The following CLNK variants were observed in gnomAD, a reference collection of about 807,000 sequenced individuals.
The protein encoded by CLNK is cytokine dependent hematopoietic cell linker.
In CLNK, 74 loss-of-function variants were observed where a neutral mutation model predicts 68.6. The observed-to-expected ratio is 1.08, with a 90% confidence interval of 0.89 to 1.31. CLNK has a LOEUF of 1.31. CLNK is among the 50% of genes most tolerant of loss of function. The probability of loss-of-function intolerance (pLI) is 0.00; values close to 1 mark genes in which losing one functional copy is unlikely to be tolerated. For synonymous variants in CLNK, 198 were observed against 172.2 expected, an observed-to-expected ratio of 1.15 and a Z score of -1.17; for missense variants, 553 against 515.3, an observed-to-expected ratio of 1.07 and a Z score of -0.71.
chr4:10,704,323 G>A, the CLNK span, among the ~76,000 whole-genome samples: 2 of 152,072 alleles, frequency 1.3e-5, no homozygotes, highest in Non-Finnish European at 2.9e-5. Context: ...TCATGTAAAA[G>A]TGTTCTTATG....
intron 4 of CLNK, among the ~76,000 whole-genome samples, chr4:10,572,432 A>G (rs17383040): frequency 0.18 from 27,710 of 152,118 alleles, 2,871 homozygotes; most frequent in African/African-American, 0.28. Context: ...CCCACTCAGT[A>G]TTCTATGTTT....
chr4:10,617,213 A>G (rs2531195), intron 2 of CLNK, among the ~76,000 whole-genome samples: 105,452 of 151,964 alleles, frequency 0.69, 37,511 homozygotes, highest in East Asian at 0.77. Context: ...ATACATATAT[A>G]AATTAAGAAA....
At chr4:10,659,849 A>G (rs1476873418) in intron 2 of CLNK, among the ~76,000 whole-genome samples, 2 of 152,212 alleles carry the variant, frequency 1.3e-5, no homozygotes, top group East Asian at 3.9e-4. Context: ...CCCAAATCAT[A>G]TTAATTAAAA....
intron 3 of CLNK, among the ~76,000 whole-genome samples, chr4:10,588,531 G>A (rs904028666): frequency 2.6e-5 from 4 of 152,126 alleles, no homozygotes; most frequent in African/African-American, 7.2e-5. Flanking sequence ...ACTCGTATTC[G>A]TGAGCACCTG....
intron 2 of CLNK, among the ~76,000 whole-genome samples, chr4:10,652,747 G>C (rs546540800): frequency 2.6e-5 from 4 of 152,220 alleles, no homozygotes; most frequent in African/African-American, 7.2e-5. Context: ...TTAATGCCTG[G>C]TCTTTTAATA....
At chr4:10,645,542 C>A (rs1430014981) in intron 2 of CLNK, among the ~76,000 whole-genome samples, 1 of 152,068 alleles carries the variant, frequency 6.6e-6, no homozygotes, top group African/African-American at 2.4e-5. Context: ...ACTGCCTAAT[C>A]ATTTACTTTA....
At chr4:10,587,993 A>G (rs1328582017) in intron 3 of CLNK, among the ~76,000 whole-genome samples, 12 of 152,182 alleles carry the variant, frequency 7.9e-5, no homozygotes, top group Admixed American at 6.5e-4. Flanking sequence ...CGACGGCCTG[A>G]GTGCTCTCTC....
chr4:10,707,117 C>T, the CLNK span, among the ~76,000 whole-genome samples: 13 of 152,254 alleles, frequency 8.5e-5, no homozygotes, highest in South Asian at 1.0e-3. Context: ...TTGATAGTGA[C>T]GTCAAGTCTT....
At chr4:10,651,107 AAGTT>A (rs1723716202) in intron 2 of CLNK, among the ~76,000 whole-genome samples, 2 of 152,196 alleles carry the variant, frequency 1.3e-5, no homozygotes. Flanking sequence ...TGGTGAGTGT[AAGTT>A]AGTTCAACCA....
At chr4:10,610,586 TTC>T (rs1326375757) in intron 2 of CLNK, among the ~76,000 whole-genome samples, 2 of 152,258 alleles carry the variant, frequency 1.3e-5, no homozygotes, top group African/African-American at 2.4e-5. Flanking sequence ...TCTCCTTTTT[TTC>T]TCTGTCTCGA....
intron 1 of CLNK, among the ~76,000 whole-genome samples, chr4:10,680,051 T>G (rs1725032936): frequency 6.6e-6 from 1 of 152,080 alleles, no homozygotes; most frequent in Admixed American, 6.6e-5. Flanking sequence ...CATGCTGCTA[T>G]AAAGACACAT....
At chr4:10,700,109 AG>A in the CLNK span, among the ~76,000 whole-genome samples, 1 of 152,056 alleles carries the variant, frequency 6.6e-6, no homozygotes. Context: ...TAGAAATCAG[AG>A]AAGAAACAGG....
chr4:10,541,219 AAAC>A (rs200522392), intron 10 of CLNK, among the ~76,000 whole-genome samples: 52,206 of 119,210 alleles, frequency 0.44, 11,265 homozygotes, highest in Non-Finnish European at 0.53. Flanking sequence ...CTCAAAAAAA[AAAC>A]AAAAAAAAAA....
chr4:10,602,890 G>A (rs1027255131), intron 2 of CLNK, among the ~76,000 whole-genome samples: 1 of 152,198 alleles, frequency 6.6e-6, no homozygotes, highest in African/African-American at 2.4e-5. Flanking sequence ...TCACTAGGTG[G>A]TGACAACCAG....
rs569034532 is a variant in CLNK, at chr4:10,547,616, C to T, written c.446-5336G>A. 2.0e-5 allele frequency among the ~76,000 whole-genome samples: 3 copies of T among 152,202 alleles called. No homozygotes were observed. The South Asian group carries it at 6.2e-4, about 32-fold the overall frequency. ...ATTTATTTGTGCACCATAACTGAAACTTTGTCCCCTTTAAGCATCACCTTC... is the reference window on the plus strand; with the variant it reads ...ATTTATTTGTGCACCATAACTGAAATTTTGTCCCCTTTAAGCATCACCTTC... On this transcript the variant is annotated intron_variant, in intron 8 of 18. Transcript: ENST00000226951.
At chr4:10,649,069 C>T (rs10516207) in intron 2 of CLNK, among the ~76,000 whole-genome samples, 10,654 of 152,192 alleles carry the variant, frequency 0.07, 557 homozygotes, top group Admixed American at 0.17. Flanking sequence ...CTTTGTAAAA[C>T]GTTAGTGAAT....
intron 5 of CLNK, among the ~76,000 whole-genome samples, chr4:10,569,667 A>G (rs570220074): frequency 1.3e-5 from 2 of 152,164 alleles, no homozygotes; most frequent in Non-Finnish European, 2.9e-5. Flanking sequence ...CTCACACACA[A>G]TGGTCATTAT....
chr4:10,635,666 A>G (rs971843106), intron 2 of CLNK: 2 of 152,192 alleles, frequency 1.3e-5, no homozygotes, highest in Non-Finnish European at 2.9e-5. Flanking sequence ...TACATTCTAG[A>G]CTATCTCAGT....
intron 15 of CLNK, among the ~76,000 whole-genome samples, chr4:10,514,104 C>T (rs1378390174): frequency 2.9e-5 from 4 of 138,970 alleles, no homozygotes; most frequent in African/African-American, 5.4e-5. Context: ...TGAGAATATG[C>T]GGTGTTTGGT....
Sources: gnomAD v4.1 joint callset for allele counts (sites outside exome capture counted in the v4.1 genomes callset) on GRCh38, gnomAD v4.1.1 for gene constraint, MANE v1.5 for transcripts, NCBI Gene and HGNC (gene_info 2026-07-23, HGNC 2026-07-21) for gene names.